Variants in TFDP2 observed in about 807,000 individuals in gnomAD.
The protein encoded by TFDP2 is transcription factor Dp-2, also known as transcription factor Dp-2 (E2F dimerization partner 2).
A neutral mutation model predicts 59.3 loss-of-function variants in TFDP2; 17 were observed. The observed-to-expected ratio is 0.29, with a 90% CI of 0.20 to 0.43. TFDP2 has a LOEUF of 0.43. Among genes scored for constraint, TFDP2 ranks in the 20% least tolerant of loss-of-function variants. The probability of loss-of-function intolerance (pLI) is 1.00; values close to 1 mark genes in which losing one functional copy is unlikely to be tolerated. For synonymous variants in TFDP2, 180 were observed against 194.7 expected, an observed-to-expected ratio of 0.92 and a Z score of 0.63; for missense variants, 391 against 528.8, an observed-to-expected ratio of 0.74 and a Z score of 2.56.
intron 11 of TFDP2, among the ~76,000 whole-genome samples, chr3:141,958,605 C>T (rs1936981638): frequency 6.6e-6 from 1 of 152,156 alleles, no homozygotes; most frequent in African/African-American, 2.4e-5. Flanking sequence ...GTGCTTTCCT[C>T]AGCTGGGTGC....
At chr3:142,118,898 C>T (rs551713814) in intron 1 of TFDP2, among the ~76,000 whole-genome samples, 1 of 152,272 alleles carries the variant, frequency 6.6e-6, no homozygotes, top group Admixed American at 6.5e-5. Context: ...CAGTGGCTCA[C>T]GCCTGTAATC....
chr3:142,094,057 G>A, intron 2 of TFDP2: 1 of 364,316 alleles, frequency 2.7e-6, no homozygotes, highest in South Asian at 2.3e-5. Flanking sequence ...ACACTACTTG[G>A]CATCACAGAG....
intron 3 of TFDP2, among the ~76,000 whole-genome samples, chr3:142,072,841 C>T (rs2060293181): frequency 6.6e-6 from 1 of 152,136 alleles, no homozygotes; most frequent in Admixed American, 6.6e-5. Context: ...ATCTAGAGCA[C>T]CAAAGAGTTC....
chr3:142,027,511 C>G (rs926968916), intron 3 of TFDP2, among the ~76,000 whole-genome samples: 30 of 152,050 alleles, frequency 2.0e-4, no homozygotes, highest in Admixed American at 1.6e-3. Context: ...TCTCCCACTC[C>G]CGCTCCCCAC....
chr3:142,022,212 A>G (rs920958299), intron 3 of TFDP2, among the ~76,000 whole-genome samples: 27 of 152,184 alleles, frequency 1.8e-4, no homozygotes, highest in African/African-American at 5.5e-4. Flanking sequence ...CTCTTATTCA[A>G]AACACACACT....
intron 1 of TFDP2, among the ~76,000 whole-genome samples, chr3:142,144,699 G>C (rs1465727827): frequency 1.3e-5 from 2 of 151,948 alleles, no homozygotes; most frequent in African/African-American, 2.4e-5. Flanking sequence ...ATGCCACCAA[G>C]CCTGACTACT....
intron 1 of TFDP2, among the ~76,000 whole-genome samples, chr3:142,124,979 C>A (rs1244655225): frequency 6.6e-6 from 1 of 151,912 alleles, no homozygotes; most frequent in Non-Finnish European, 1.5e-5. Flanking sequence ...GAGTATTGCT[C>A]GAGGCCAGGA....
chr3:142,101,208 A>G (rs185359185), intron 2 of TFDP2, among the ~76,000 whole-genome samples: 3 of 152,344 alleles, frequency 2.0e-5, no homozygotes, highest in Admixed American at 2.0e-4. Flanking sequence ...AAGGAGGTAT[A>G]TTCAGAAATG....
chr3:142,059,272 T>C (rs1371887284), intron 3 of TFDP2, among the ~76,000 whole-genome samples: 4 of 152,198 alleles, frequency 2.6e-5, no homozygotes, highest in Non-Finnish European at 4.4e-5. Context: ...CACATATGGT[T>C]AAGATTTTCC....
At chr3:142,005,893 G>A (rs1240124180) in intron 3 of TFDP2, among the ~76,000 whole-genome samples, 1 of 151,886 alleles carries the variant, frequency 6.6e-6, no homozygotes, top group Non-Finnish European at 1.5e-5. Context: ...TATCAGAATT[G>A]AGAAAGAGAT....
chr3:142,117,208 A>T (rs2061879182), intron 1 of TFDP2, among the ~76,000 whole-genome samples: 1 of 152,118 alleles, frequency 6.6e-6, no homozygotes, highest in Non-Finnish European at 1.5e-5. Flanking sequence ...GGCATGAGCC[A>T]CTGCACCCGG....
intron 3 of TFDP2, among the ~76,000 whole-genome samples, chr3:142,071,857 G>A (rs921449788): frequency 4.6e-5 from 7 of 152,206 alleles, no homozygotes; most frequent in Admixed American, 1.3e-4. Flanking sequence ...TGGACAGACT[G>A]AGTCTGAGGT....
At chr3:142,049,501 A>G (rs1339772809) in intron 3 of TFDP2, among the ~76,000 whole-genome samples, 2 of 152,232 alleles carry the variant, frequency 1.3e-5, no homozygotes, top group Non-Finnish European at 2.9e-5. Flanking sequence ...GAAAACCCAT[A>G]GCTAAAAATC....
intron 1 of TFDP2, among the ~76,000 whole-genome samples, chr3:142,118,653 A>C (rs1290739037): frequency 6.6e-6 from 1 of 152,154 alleles, no homozygotes; most frequent in Non-Finnish European, 1.5e-5. Context: ...ACCAAAAATA[A>C]AAACTAAATT....
chr3:141,964,525 G>A (rs1432381946), intron 9 of TFDP2, among the ~76,000 whole-genome samples: 1 of 152,110 alleles, frequency 6.6e-6, no homozygotes, highest in Non-Finnish European at 1.5e-5. Flanking sequence ...GGTGGTATGT[G>A]CCTATAGTCC....
chr3:142,002,726 T>C (rs1943899330), intron 4 of TFDP2, among the ~76,000 whole-genome samples: 1 of 152,184 alleles, frequency 6.6e-6, no homozygotes. Context: ...CCTCTGCCCA[T>C]TATCCAGTTC....
At chr3:142,025,019 T>C (rs1945959773) in intron 3 of TFDP2, among the ~76,000 whole-genome samples, 2 of 58,392 alleles carry the variant, frequency 3.4e-5, no homozygotes. Flanking sequence ...AGACTCTGTC[T>C]CAAAGAAAAA....
At chr3:142,071,301 C>T (rs1393543092) in intron 3 of TFDP2, among the ~76,000 whole-genome samples, 3 of 151,990 alleles carry the variant, frequency 2.0e-5, no homozygotes, top group Non-Finnish European at 4.4e-5. Flanking sequence ...GGATTACAGG[C>T]GCACACCACC....
intron 3 of TFDP2, among the ~76,000 whole-genome samples, chr3:142,070,680 T>A (rs2060217892): frequency 6.6e-6 from 1 of 152,246 alleles, no homozygotes; most frequent in African/African-American, 2.4e-5. Flanking sequence ...AACTTTCTTT[T>A]CATAAGTTTT....
Sources: allele counts gnomAD v4.1 joint callset (sites outside exome capture counted in the v4.1 genomes callset), GRCh38; gene constraint gnomAD v4.1.1; transcripts MANE v1.5; gene names NCBI Gene and HGNC (gene_info 2026-07-23, HGNC 2026-07-21).